Variants in SGCZ observed in about 807,000 individuals in gnomAD.
The protein encoded by SGCZ is sarcoglycan zeta, also known as zeta-sarcoglycan.
A neutral mutation model predicts 41.3 loss-of-function variants in SGCZ; 40 were observed. That is an observed-to-expected ratio of 0.97 (90% CI 0.75 to 1.26). The LOEUF (loss-of-function observed/expected upper bound fraction) is 1.26. Among genes scored for constraint, SGCZ ranks in the 50% most tolerant of loss-of-function variants. The pLI is 0.00. For synonymous variants in SGCZ, 206 were observed against 137.5 expected, an observed-to-expected ratio of 1.50 and a Z score of -3.49; for missense variants, 552 against 369.8, an observed-to-expected ratio of 1.49 and a Z score of -4.04.
chr8:14,291,418 G>A (rs909801908), intron 3 of SGCZ, among the ~76,000 whole-genome samples: 3 of 151,872 alleles, frequency 2.0e-5, no homozygotes, highest in Non-Finnish European at 4.4e-5. Flanking sequence ...ATGATTATGT[G>A]TCATTCATAA....
rs569239115 is a variant in SGCZ at position 14,644,656 on chromosome 8, G to A, written c.40-89730C>T. 3.3e-5 allele frequency among the ~76,000 whole-genome samples: 5 copies of A among 151,682 alleles called. No homozygotes were observed. In the South Asian group the frequency reaches 1.0e-3, roughly 32 times the overall value. On this transcript the variant is annotated intron_variant, in intron 1 of 7. Transcript: ENST00000382080. ...ATTTGGGGGAATGTGTTCTTTTTCTGTCATGCCTCTATTATGGCATGCTTC... is the reference window on the plus strand; with the variant it reads ...ATTTGGGGGAATGTGTTCTTTTTCTATCATGCCTCTATTATGGCATGCTTC...
At chr8:15,061,428 T>C (rs147843622) in intron 1 of SGCZ, among the ~76,000 whole-genome samples, 19 of 151,446 alleles carry the variant, frequency 1.3e-4, no homozygotes, top group African/African-American at 4.6e-4. Context: ...AAATACCTAA[T>C]GTACATGAGG....
intron 1 of SGCZ, among the ~76,000 whole-genome samples, chr8:15,166,954 G>C (rs963491688): frequency 6.6e-6 from 1 of 152,154 alleles, no homozygotes; most frequent in Non-Finnish European, 1.5e-5. Context: ...TAAATGGACT[G>C]AACTCAGGAA....
chr8:14,501,646 T>C (rs772702231), intron 2 of SGCZ, among the ~76,000 whole-genome samples: 1 of 150,406 alleles, frequency 6.6e-6, no homozygotes, highest in Non-Finnish European at 1.5e-5. Context: ...AAACACCTAA[T>C]ATAGCATGTA....
chr8:14,333,306 C>A (rs1185512635), intron 2 of SGCZ, among the ~76,000 whole-genome samples: 2 of 151,972 alleles, frequency 1.3e-5, no homozygotes, highest in East Asian at 3.9e-4. Flanking sequence ...ATGGAGACAA[C>A]TGCAAAGAGC....
At position 14,641,030 on chromosome 8, in the gene SGCZ, GA is replaced by G. The variant is rs1429346666; in HGVS notation, c.40-86105del. On this transcript the variant is annotated intron_variant, in intron 1 of 7. Coordinates refer to ENST00000382080, the MANE Select transcript of SGCZ (RefSeq NM_139167.4). ...TGGTATGAATTTGAGAATTCCATTAGAAAATTATAAACAGGAAGGTATACTC... is the reference window on the plus strand; with the variant it reads ...TGGTATGAATTTGAGAATTCCATTAGAAATTATAAACAGGAAGGTATACTC... Among the ~76,000 whole-genome samples, 2 of 151,598 alleles carry G rather than the reference GA, an allele frequency of 1.3e-5. 1 individual carries two copies. The highest frequency in any genetic ancestry group is 3.9e-4 in the East Asian group (2 of 5,130).
intron 1 of SGCZ, among the ~76,000 whole-genome samples, chr8:15,139,639 TC>T (rs1328457023): frequency 6.6e-6 from 1 of 151,782 alleles, no homozygotes; most frequent in African/African-American, 2.4e-5. Flanking sequence ...CCAGCTAAAG[TC>T]TACTTATTTA....
chr8:14,097,012 C>G (rs1374990863), intron 7 of SGCZ, among the ~76,000 whole-genome samples: 5 of 151,988 alleles, frequency 3.3e-5, no homozygotes, highest in African/African-American at 1.2e-4. Flanking sequence ...ATTAGTCTGG[C>G]TAGCGGTCTA....
At chr8:15,005,395 G>A (rs6984132) in intron 1 of SGCZ, among the ~76,000 whole-genome samples, 72,194 of 144,160 alleles carry the variant, frequency 0.5, 17,828 homozygotes, top group South Asian at 0.56. Context: ...GCAGTGGCGT[G>A]ATCTCGGCTC....
At chr8:14,609,948 TAAAC>T (rs1477778451) in intron 1 of SGCZ, among the ~76,000 whole-genome samples, 4 of 152,184 alleles carry the variant, frequency 2.6e-5, no homozygotes, top group African/African-American at 9.6e-5. Context: ...AAGCTCAAAT[TAAAC>T]AAAAATAAAT....
intron 1 of SGCZ, among the ~76,000 whole-genome samples, chr8:14,737,965 C>A (rs903742252): frequency 1.3e-5 from 2 of 152,014 alleles, no homozygotes; most frequent in African/African-American, 4.8e-5. Flanking sequence ...TTCATACATA[C>A]TTTACAGATG....
intron 1 of SGCZ, among the ~76,000 whole-genome samples, chr8:14,780,552 C>T (rs1009300986): frequency 2.0e-5 from 3 of 151,578 alleles, no homozygotes; most frequent in African/African-American, 7.3e-5. Flanking sequence ...TTCAGGAGAA[C>T]GATGGGAAGG....
At chr8:14,113,297 G>A (rs1433986597) in intron 5 of SGCZ, among the ~76,000 whole-genome samples, 1 of 151,892 alleles carries the variant, frequency 6.6e-6, no homozygotes, top group Non-Finnish European at 1.5e-5. Flanking sequence ...CACCTCTTAA[G>A]GCATATGCAG....
At chr8:14,892,957 G>C (rs889048060) in intron 1 of SGCZ, among the ~76,000 whole-genome samples, 2 of 152,130 alleles carry the variant, frequency 1.3e-5, no homozygotes, top group African/African-American at 4.8e-5. Context: ...ACAAGGGCCA[G>C]TCATGATGTA....
chr8:14,290,103 T>G (rs1800788803), intron 3 of SGCZ, among the ~76,000 whole-genome samples: 1 of 152,068 alleles, frequency 6.6e-6, no homozygotes, highest in Admixed American at 6.6e-5. Flanking sequence ...GGATTACAAC[T>G]TGAGATGAGG....
rs572912159 is a variant in SGCZ, at chr8:14,925,808, A to G, written c.39+311777T>C. Among the ~76,000 whole-genome samples, 4 of 152,300 alleles carry G rather than the reference A, an allele frequency of 2.6e-5. No homozygotes were observed. The South Asian group carries it at 8.3e-4, about 32-fold the overall frequency. ...ATCAATTCCATGTCCCTTATTTTCCATAAGCACCAGAGAAGGAAACTAAGG... is the reference window on the plus strand; with the variant it reads ...ATCAATTCCATGTCCCTTATTTTCCGTAAGCACCAGAGAAGGAAACTAAGG... On this transcript the variant is annotated intron_variant, in intron 1 of 7. Transcript: ENST00000382080.
At chr8:15,194,222 CACA>C (rs1800640249) in intron 1 of SGCZ, among the ~76,000 whole-genome samples, 2 of 151,054 alleles carry the variant, frequency 1.3e-5, no homozygotes, top group Non-Finnish European at 2.9e-5. Flanking sequence ...CACACACACA[CACA>C]CACCACAACC....
intron 1 of SGCZ, among the ~76,000 whole-genome samples, chr8:15,095,383 G>A (rs1806308193): frequency 6.6e-6 from 1 of 152,154 alleles, no homozygotes; most frequent in African/African-American, 2.4e-5. Flanking sequence ...ACAGGCGTGA[G>A]CCACTGCGCC....
rs1372911889 is a variant in SGCZ at position 14,637,372 on chromosome 8, G to C, written c.40-82446C>G. Among the ~76,000 whole-genome samples the C allele has an allele frequency of 4.6e-5, 7 of 150,826 alleles. No homozygotes were observed. In the East Asian group the frequency reaches 1.4e-3, roughly 30 times the overall value. ...GAGTACACGTGCAGGTTTGTTACAC[G>C]AGTAAATTGCGTGATGCTGCGGTTT... On this transcript the variant is annotated intron_variant, in intron 1 of 7. Transcript: ENST00000382080.
Sources: gnomAD v4.1 joint callset for allele counts (sites outside exome capture counted in the v4.1 genomes callset) on GRCh38, gnomAD v4.1.1 for gene constraint, MANE v1.5 for transcripts, NCBI Gene and HGNC (gene_info 2026-07-23, HGNC 2026-07-21) for gene names.